LARS2: variants seen among roughly 807,000 people sequenced by gnomAD.
The protein encoded by LARS2 is leucyl-tRNA synthetase 2, mitochondrial.
A neutral mutation model predicts 116.6 loss-of-function variants in LARS2; 81 were observed. The ratio of observed to expected loss-of-function variants is 0.69; its 90% CI spans 0.58 to 0.84. LARS2 has a LOEUF of 0.84. LARS2 is among the 40% of genes least tolerant of loss of function. The pLI is 0.00. For synonymous variants in LARS2, 396 were observed against 407.2 expected (o/e 0.97, Z 0.33); for missense variants, 968 against 1,114.5 (o/e 0.87, Z 1.87).
chr3:45,497,768 A>T (rs1418795406), intron 14 of LARS2, among the ~76,000 whole-genome samples: 4 of 152,142 alleles, frequency 2.6e-5, no homozygotes, highest in Non-Finnish European at 5.9e-5. Context: ...TTAGCTGGAC[A>T]CGGTGGCACG....
At chr3:45,436,610 A>T (rs377279867) in intron 6 of LARS2, among the ~76,000 whole-genome samples, 3 of 151,672 alleles carry the variant, frequency 2.0e-5, no homozygotes, top group African/African-American at 7.2e-5. Context: ...CTGGCTAACA[A>T]GGTGAAACCC....
chr3:45,419,899 A>C (rs921534171), intron 6 of LARS2, among the ~76,000 whole-genome samples, 170 bp downstream of exon 6: 28 of 152,318 alleles, frequency 1.8e-4, no homozygotes, highest in African/African-American at 6.7e-4. Flanking sequence ...TTGCTTGGAA[A>C]CAAGTAATTT....
At position 45,418,588 on chromosome 3, in the gene LARS2, A is replaced by T. The variant is rs1364703161; in HGVS notation, c.455+1015A>T. 2.0e-5 allele frequency among the ~76,000 whole-genome samples: 3 copies of T among 152,190 alleles called. No individual in the cohort carries two copies. In the East Asian group the frequency reaches 5.8e-4, roughly 29 times the overall value. ...TAAATCTGGCCCTACCTGTTTCTGT[A>T]AATCAAGTTTTATTGGAACACAGTC... is the stretch of plus-strand genomic sequence containing the variant. On this transcript the variant is annotated intron_variant, in intron 5 of 21. Transcript: ENST00000645846.
chr3:45,454,579 A>C (rs911580114), intron 7 of LARS2, among the ~76,000 whole-genome samples: 8 of 152,298 alleles, frequency 5.3e-5, no homozygotes, highest in African/African-American at 1.7e-4. Flanking sequence ...GTTCATTTCA[A>C]TACAGGCTTG....
intron 15 of LARS2, among the ~76,000 whole-genome samples, chr3:45,509,936 C>A (rs1700261761): frequency 6.6e-6 from 1 of 151,966 alleles, no homozygotes; most frequent in South Asian, 2.1e-4. Flanking sequence ...AGTATAGCAT[C>A]CAGTGCCCCA....
chr3:45,479,856 C>T (rs778476351), intron 10 of LARS2, among the ~76,000 whole-genome samples: 31 of 151,820 alleles, frequency 2.0e-4, no homozygotes, highest in Middle Eastern at 3.4e-3. Context: ...TTTGGAACCA[C>T]ACACTTCAGC....
chr3:45,437,502 T>C (rs372479293), intron 6 of LARS2, among the ~76,000 whole-genome samples: 15 of 152,204 alleles, frequency 9.9e-5, no homozygotes, highest in African/African-American at 3.6e-4. Context: ...GAAAAAGGAA[T>C]TAGGAGAAGA....
Position 45,505,399 on chromosome 3 carries a change from TC to T in LARS2, c.1760+4821del, listed in dbSNP as rs558204632. Among the ~76,000 whole-genome samples, 718 of 151,716 alleles carry T rather than the reference TC, an allele frequency of 4.7e-3. 8 individuals carry two copies. Among genetic ancestry groups the T allele is most frequent in the Admixed American group, 8.4e-3 (128 of 15,226 alleles). The stretch of plus-strand genomic sequence containing the variant: ...AAAACCAAATACAACTTGAGAAACA[TC>T]TCAGGCCAGGCGTGGTGGTTCATGC... On this transcript the variant is annotated intron_variant, in intron 15 of 21. Transcript: ENST00000645846.
rs1700099228 is a variant in LARS2 at position 45,500,462 on chromosome 3, C to G, written c.1643C>G (p.Ala548Gly). Residue 548 changes from alanine to glycine, a missense_variant, in exon 15 of 22, where the codon GCC becomes GGC. Coordinates refer to ENST00000645846, the MANE Select transcript of LARS2 (RefSeq NM_015340.4). ...NPHSPFNTAVADYWMPVDLYI... is the reference protein window; with the variant it reads ...NPHSPFNTAVGDYWMPVDLYI... ...TACAGCCCTTTTAACACAGCAGTGG[C>G]CGATTACTGGATGCCTGTGGATTTG... The G allele has an allele frequency of 6.2e-7, 1 of 1,605,690 alleles. No individual in the cohort carries two copies. The highest frequency in any genetic ancestry group is 8.5e-7 in the Non-Finnish European group (1 of 1,177,528).
chr3:45,520,826 G>A (rs75952043), intron 19 of LARS2, among the ~76,000 whole-genome samples: 2,044 of 152,176 alleles, frequency 0.013, 31 homozygotes, highest in African/African-American at 0.047. Flanking sequence ...TTAGCTACTG[G>A]ACAACAAAAG....
chr3:45,535,772 ACACC>A (rs1223850975), intron 20 of LARS2, among the ~76,000 whole-genome samples: 38 of 81,518 alleles, frequency 4.7e-4, no homozygotes, highest in Middle Eastern at 9.3e-3. Flanking sequence ...ACACACCCCC[ACACC>A]CACATACACA....
At chr3:45,498,195 G>A (rs1259195243) in intron 14 of LARS2, among the ~76,000 whole-genome samples, 1 of 152,218 alleles carries the variant, frequency 6.6e-6, no homozygotes, top group Non-Finnish European at 1.5e-5. Flanking sequence ...TACCGTGGCG[G>A]GAGAGACATC....
chr3:45,455,827 A>AAGG (rs1217735303), intron 7 of LARS2, among the ~76,000 whole-genome samples: 1 of 152,108 alleles, frequency 6.6e-6, no homozygotes, highest in Admixed American at 6.6e-5. Context: ...AAACAATAAA[A>AAGG]TTCTGTCATT....
chr3:45,522,362 G>A (rs1700468187), intron 19 of LARS2, among the ~76,000 whole-genome samples: 1 of 152,208 alleles, frequency 6.6e-6, no homozygotes, highest in Non-Finnish European at 1.5e-5. Flanking sequence ...AAAGGAATGT[G>A]CCACCACCAT....
intron 21 of LARS2, among the ~76,000 whole-genome samples, chr3:45,542,351 T>C (rs952374961): frequency 3.3e-5 from 5 of 152,218 alleles, no homozygotes; most frequent in African/African-American, 1.2e-4. Context: ...TGGGTGGCTA[T>C]GGAGTAATAC....
chr3:45,476,652 G>A (rs752869762), intron 10 of LARS2, 25 bp downstream of exon 10: 2 of 1,612,798 alleles, frequency 1.2e-6, no homozygotes, highest in East Asian at 4.5e-5. Context: ...TAACGGCTCA[G>A]GTGGTAGGAT....
chr3:45,415,632 G>T (rs1314788721), intron 4 of LARS2, among the ~76,000 whole-genome samples: 1 of 152,078 alleles, frequency 6.6e-6, no homozygotes, highest in Non-Finnish European at 1.5e-5. Flanking sequence ...CAGATCACTT[G>T]AGGCCAGGAG....
At chr3:45,441,178 C>T (rs1698903145) in intron 6 of LARS2, among the ~76,000 whole-genome samples, 1 of 152,204 alleles carries the variant, frequency 6.6e-6, no homozygotes, top group Non-Finnish European at 1.5e-5. Context: ...GCATATGCCA[C>T]CACGCCTGGC....
chr3:45,504,904 A>G (rs1700176111), intron 15 of LARS2, among the ~76,000 whole-genome samples: 1 of 151,484 alleles, frequency 6.6e-6, no homozygotes, highest in Admixed American at 6.6e-5. Flanking sequence ...ACATGGTGAA[A>G]CCCCATCTCT....
Sources: gnomAD v4.1 joint callset for allele counts (sites outside exome capture counted in the v4.1 genomes callset) on GRCh38, gnomAD v4.1.1 for gene constraint, MANE v1.5 for transcripts, NCBI Gene and HGNC (gene_info 2026-07-23, HGNC 2026-07-21) for gene names.